The following SUPT3H variants were observed in gnomAD, a reference collection of about 807,000 sequenced individuals.
The protein encoded by SUPT3H is SPT3 homolog, SAGA and STAGA complex component.
In SUPT3H, 44 loss-of-function variants were observed where a neutral mutation model predicts 44.3. The observed-to-expected ratio is 0.99, with a 90% CI of 0.78 to 1.28. The LOEUF is 1.28. Ranked by LOEUF, SUPT3H falls within the 50% of genes most tolerant of loss-of-function variation. The pLI is 0.00. For missense variants in SUPT3H, 380 were observed against 387.1 expected (o/e 0.98, Z 0.15); for synonymous variants, 124 against 125.6 (o/e 0.99, Z 0.09).
chr6:45,085,157 T>C lies in SUPT3H; in HGVS notation c.186+20765A>G, dbSNP rs1280189450. On this transcript the variant is annotated intron_variant, in intron 3 of 10. Transcript: ENST00000371459. ...AAAATTAATTAAAAATAAATAAAAA[T>C]GTAGAAAAGAAAGTGCAAACATCTA... Among the ~76,000 whole-genome samples the C allele has an allele frequency of 2.0e-5, 3 of 151,970 alleles. No individual in the cohort carries two copies. In the East Asian group the frequency reaches 5.8e-4, roughly 29 times the overall value.
At chr6:45,173,175 T>C (rs1041004499) in intron 2 of SUPT3H, among the ~76,000 whole-genome samples, 15 of 152,334 alleles carry the variant, frequency 9.8e-5, no homozygotes, top group Admixed American at 8.5e-4. Context: ...ATCACCAAAA[T>C]AAGAATGTTA....
At chr6:45,346,934 T>C (rs2150163727) in intron 2 of SUPT3H, among the ~76,000 whole-genome samples, 1 of 152,136 alleles carries the variant, frequency 6.6e-6, no homozygotes, top group South Asian at 2.1e-4. Context: ...AACAAGTGCC[T>C]AAACAAAAAG....
At chr6:45,239,986 C>A (rs1173199322) in intron 2 of SUPT3H, among the ~76,000 whole-genome samples, 1 of 152,174 alleles carries the variant, frequency 6.6e-6, no homozygotes, top group East Asian at 1.9e-4. Context: ...CTACAGAAAC[C>A]AGCTGCAAAG....
At chr6:44,868,438 T>C (rs2153428757) in intron 10 of SUPT3H, among the ~76,000 whole-genome samples, 1 of 152,356 alleles carries the variant, frequency 6.6e-6, no homozygotes, top group South Asian at 2.1e-4. Flanking sequence ...AAGGATGATG[T>C]CACCATCTAC....
At chr6:45,067,154 C>T (rs1315279618) in intron 3 of SUPT3H, among the ~76,000 whole-genome samples, 66 of 140,114 alleles carry the variant, frequency 4.7e-4, no homozygotes, top group East Asian at 3.4e-3. Flanking sequence ...TCAGAAATAA[C>T]GCCGCATATC....
chr6:44,895,844 A>G (rs1318162683), intron 10 of SUPT3H, among the ~76,000 whole-genome samples: 4 of 152,080 alleles, frequency 2.6e-5, no homozygotes, highest in Non-Finnish European at 4.4e-5. Context: ...CATTCTCTTT[A>G]TCCAAATAAG....
chr6:44,895,653 C>T (rs925051695), intron 10 of SUPT3H, among the ~76,000 whole-genome samples: 2 of 152,064 alleles, frequency 1.3e-5, no homozygotes, highest in Non-Finnish European at 2.9e-5. Context: ...TTGTCTGGGG[C>T]TGTGGTTCAG....
At chr6:45,112,793 A>G (rs1800265331) in intron 2 of SUPT3H, among the ~76,000 whole-genome samples, 1 of 152,254 alleles carries the variant, frequency 6.6e-6, no homozygotes, top group Admixed American at 6.5e-5. Context: ...TAAAGCATCT[A>G]GAAACCAAAC....
At chr6:44,899,783 T>C (rs895515491) in intron 10 of SUPT3H, among the ~76,000 whole-genome samples, 2 of 152,232 alleles carry the variant, frequency 1.3e-5, no homozygotes, top group African/African-American at 4.8e-5. Flanking sequence ...TCTACTGCCA[T>C]TGGCCATTGT....
At chr6:45,268,042 C>A (rs1775537060) in intron 2 of SUPT3H, among the ~76,000 whole-genome samples, 1 of 152,062 alleles carries the variant, frequency 6.6e-6, no homozygotes, top group Admixed American at 6.6e-5. Context: ...CAGTATACAA[C>A]AATATAAAAT....
At chr6:45,171,951 C>G (rs757217604) in intron 2 of SUPT3H, among the ~76,000 whole-genome samples, 2 of 151,714 alleles carry the variant, frequency 1.3e-5, no homozygotes, top group East Asian at 3.9e-4. Flanking sequence ...CTCCTGACCT[C>G]GTGATCAGGC....
intron 10 of SUPT3H, among the ~76,000 whole-genome samples, chr6:44,904,784 A>G (rs1299416134): frequency 6.6e-6 from 1 of 152,254 alleles, no homozygotes; most frequent in Non-Finnish European, 1.5e-5. Context: ...ACAAGGCTAC[A>G]GTAACCAAAA....
chr6:45,018,540 A>G (rs1486053685), intron 4 of SUPT3H, among the ~76,000 whole-genome samples: 1 of 152,098 alleles, frequency 6.6e-6, no homozygotes, highest in Non-Finnish European at 1.5e-5. Context: ...TAATTTATTG[A>G]GCGTTTTTAG....
At chr6:45,256,815 C>T (rs1773490726) in intron 2 of SUPT3H, among the ~76,000 whole-genome samples, 2 of 152,194 alleles carry the variant, frequency 1.3e-5, no homozygotes, top group South Asian at 4.1e-4. Flanking sequence ...GGATATACCA[C>T]ATTTTGCTTA....
chr6:45,063,250 C>A (rs560074327), intron 3 of SUPT3H, among the ~76,000 whole-genome samples: 27 of 145,230 alleles, frequency 1.9e-4, no homozygotes, highest in African/African-American at 6.2e-4. Context: ...AGCTGAGGGT[C>A]CTGTCTGTTA....
chr6:44,852,109 A>T (rs1231462056), intron 10 of SUPT3H, among the ~76,000 whole-genome samples: 1 of 152,168 alleles, frequency 6.6e-6, no homozygotes, highest in East Asian at 1.9e-4. Context: ...AAACTCAAAA[A>T]CTTTTGCTTT....
At chr6:44,954,828 C>T (rs1401489599) in intron 7 of SUPT3H, among the ~76,000 whole-genome samples, 1 of 152,134 alleles carries the variant, frequency 6.6e-6, no homozygotes, top group Admixed American at 6.5e-5. Context: ...AACTCTCTTA[C>T]GTATTTGGGT....
chr6:44,812,094 C>A (rs887057944), intron 11 of SUPT3H, among the ~76,000 whole-genome samples: 3 of 152,164 alleles, frequency 2.0e-5, no homozygotes, highest in Non-Finnish European at 4.4e-5. Context: ...TAATAGTTTT[C>A]TATGATGCCG....
intron 10 of SUPT3H, among the ~76,000 whole-genome samples, chr6:44,861,929 T>C (rs990406673): frequency 6.6e-6 from 1 of 152,218 alleles, no homozygotes; most frequent in East Asian, 1.9e-4. Flanking sequence ...GAACAAGTTA[T>C]GTGGCTGAAG....
Sources: allele counts gnomAD v4.1 joint callset (sites outside exome capture counted in the v4.1 genomes callset), GRCh38; gene constraint gnomAD v4.1.1; transcripts MANE v1.5; gene names NCBI Gene and HGNC (gene_info 2026-07-23, HGNC 2026-07-21).